TVP23A: variants seen among roughly 807,000 people sequenced by gnomAD.
The protein encoded by TVP23A is trans-golgi network vesicle protein 23 homolog A, also known as Golgi apparatus membrane protein TVP23 homolog A.
In TVP23A, 21 loss-of-function variants were observed where a neutral mutation model predicts 31.7. The observed-to-expected ratio is 0.66, with a 90% CI of 0.47 to 0.95. TVP23A has a LOEUF of 0.95. Among genes scored for constraint, TVP23A ranks in the 40% least tolerant of loss-of-function variants. TVP23A has a pLI of 0.00. For missense variants in TVP23A, 279 were observed against 255.6 expected, an observed-to-expected ratio of 1.09 and a Z score of -0.62; for synonymous variants, 104 against 96.0, an observed-to-expected ratio of 1.08 and a Z score of -0.49.
chr16:10,814,554 C>A (rs2034350303), intron 2 of TVP23A, among the ~76,000 whole-genome samples: 1 of 152,122 alleles, frequency 6.6e-6, no homozygotes, highest in Non-Finnish European at 1.5e-5. Context: ...CTGCCAGTGC[C>A]TTGGTCTGAT....
At position 10,774,106 on chromosome 16, in the gene TVP23A, ACCAGGAGTCTTCCG is replaced by A; in HGVS notation, c.243_256del (p.Arg83ProfsTer9). ...TATCTGGTTCCACCATCGAAGGCCC[ACCAGGAGTCTTCCG>A]GTTACATTCTGAGAACAATAGACAA... On this transcript the variant is annotated frameshift_variant, in exon 4 of 8. Transcript: ENST00000299866. LOFTEE classifies it high-confidence loss of function. 6.2e-7 allele frequency: 1 copy of A among 1,610,948 alleles called. No individual in the cohort carries two copies. Among genetic ancestry groups the A allele is most frequent in the Non-Finnish European group, 8.5e-7 (1 of 1,178,652 alleles).
At chr16:10,782,244 G>T (rs1347962998) in intron 2 of TVP23A, among the ~76,000 whole-genome samples, 1 of 151,960 alleles carries the variant, frequency 6.6e-6, no homozygotes, top group Non-Finnish European at 1.5e-5. Context: ...TGCAACCTTG[G>T]CATTATCAGT....
intron 2 of TVP23A, among the ~76,000 whole-genome samples, chr16:10,780,990 T>G (rs1261415807): frequency 6.6e-6 from 1 of 152,072 alleles, no homozygotes; most frequent in Non-Finnish European, 1.5e-5. Context: ...AGGTGCTATT[T>G]CCACACAGTA....
downstream of TVP23A, chr16:10,758,036 G>C (rs201743675): frequency 6.2e-7 from 1 of 1,610,830 alleles, no homozygotes; most frequent in Non-Finnish European, 8.5e-7. Flanking sequence ...AGGTGAGCGA[G>C]CTGCCAGCTG....
intron 2 of TVP23A, among the ~76,000 whole-genome samples, chr16:10,791,943 A>ACAAC (rs2142991564): frequency 6.6e-6 from 1 of 152,320 alleles, no homozygotes; most frequent in South Asian, 2.1e-4. Context: ...GTAAGAAGCA[A>ACAAC]ACAACATGGC....
Position 10,768,037 on chromosome 16 carries a change from G to A in TVP23A, c.*1065C>T, listed in dbSNP as rs1330094011. The A allele has an allele frequency of 5.0e-6, 8 of 1,613,522 alleles. No homozygotes were observed. Among genetic ancestry groups the A allele is most frequent in the Non-Finnish European group, 6.8e-6 (8 of 1,179,566 alleles). ...CCTACAGAAGTATAATTCAGAGTAAGTATTTCCATGAGTACTAAATGCAGA... is the reference window on the plus strand; with the variant it reads ...CCTACAGAAGTATAATTCAGAGTAAATATTTCCATGAGTACTAAATGCAGA... On this transcript the variant is annotated 3_prime_UTR_variant, in exon 8 of 8. Coordinates refer to ENST00000299866, the MANE Select transcript of TVP23A (RefSeq NM_001079512.4). This position sits in a 1 kb window ranked among gnomAD's most constrained non-coding sequence, Gnocchi z 4.3.
rs2031032709 is a variant in TVP23A at position 10,767,314 on chromosome 16, G to C, written c.*1788C>G. On this transcript the variant is annotated 3_prime_UTR_variant, in exon 8 of 8. Coordinates refer to ENST00000299866, the MANE Select transcript of TVP23A (RefSeq NM_001079512.4). This position sits in a 1 kb window ranked among gnomAD's most constrained non-coding sequence, Gnocchi z 4.6. ...TCCTAGAGAAACCTGGGTGTGCATA[G>C]GAGGGGACTGGAACAATGGCCACAT... is the stretch of plus-strand genomic sequence containing the variant. 2.5e-6 allele frequency: 1 copy of C among 399,558 alleles called. No individual in the cohort carries two copies. The highest frequency in any genetic ancestry group is 3.6e-5 in the East Asian group (1 of 28,106). The allele number at this position is 399,558 out of a possible 1,614,324, so 24.8% of individuals were successfully genotyped here.
rs138564004 is a variant in TVP23A, at chr16:10,777,738, G to A, written c.90-2642C>T. ...AGAATTAGACAGGATCAAGCCGGGCGTGGTGGCTCACGCCTGTAATCCCAG... is the reference window on the plus strand; with the variant it reads ...AGAATTAGACAGGATCAAGCCGGGCATGGTGGCTCACGCCTGTAATCCCAG... On this transcript the variant is annotated intron_variant, in intron 2 of 7. Coordinates refer to ENST00000299866, the MANE Select transcript of TVP23A (RefSeq NM_001079512.4). The surrounding 1 kb of genome is among the most constrained non-coding windows in gnomAD (Gnocchi z 4.5). 8.5e-4 allele frequency among the ~76,000 whole-genome samples: 130 copies of A among 152,318 alleles called. 2 individuals are homozygous for A. The highest frequency in any genetic ancestry group is 2.2e-3 in the African/African-American group (91 of 41,584).
downstream of TVP23A, chr16:10,766,283 G>C (rs1321107766): frequency 6.6e-6 from 1 of 152,538 alleles, no homozygotes; most frequent in Non-Finnish European, 1.5e-5. This position sits in a 1 kb window ranked among gnomAD's most constrained non-coding sequence, Gnocchi z 4.8. Flanking sequence ...GTGGTGCCTA[G>C]TGAGAGGGAT....
rs1228435952 is a variant in TVP23A at position 10,773,987 on chromosome 16, T to G, written c.324+52A>C. Reference sequence around the variant, plus strand: ...AACTCCAAAGGAACCCACAGAAACTTTCCACACCCATTATCCCCGCTCTGG... The same window carrying G: ...AACTCCAAAGGAACCCACAGAAACTGTCCACACCCATTATCCCCGCTCTGG... On this transcript the variant is annotated intron_variant, in intron 4 of 7. Coordinates refer to ENST00000299866, the MANE Select transcript of TVP23A (RefSeq NM_001079512.4). 1.5e-5 allele frequency: 21 copies of G among 1,445,686 alleles called. No homozygotes were observed. In the South Asian group the frequency reaches 1.6e-4, roughly 11 times the overall value. 89.6% of individuals were successfully genotyped at this position (1,445,686 alleles called of 1,614,324 possible).
At position 10,791,444 on chromosome 16, in the gene TVP23A, C is replaced by T. The variant is rs140348404; in HGVS notation, c.90-16348G>A. Among the ~76,000 whole-genome samples the T allele has an allele frequency of 1.7e-4, 26 of 152,302 alleles. No individual in the cohort carries two copies. In the East Asian group the frequency reaches 5.0e-3, roughly 29 times the overall value. ...ATCAGCCCCCAAATTATTTTCTTTT[C>T]TAACAAAGAGCAGCCTGTAAAATCC... On this transcript the variant is annotated intron_variant, in intron 2 of 7. Transcript: ENST00000299866.
At position 10,813,572 on chromosome 16, in the gene TVP23A, C is replaced by T. The variant is rs540959556; in HGVS notation, c.89+4531G>A. 2.6e-4 allele frequency among the ~76,000 whole-genome samples: 40 copies of T among 152,222 alleles called. 1 individual carries two copies. In the South Asian group the frequency reaches 7.1e-3, roughly 27 times the overall value. ...CAGCATGGACAACATAGCAAGACTC[C>T]GTCTCATAAACAAACAAATAAACAA... is the stretch of plus-strand genomic sequence containing the variant. On this transcript the variant is annotated intron_variant, in intron 2 of 7. Transcript: ENST00000299866.
At chr16:10,788,693 C>A (rs1180740729) in intron 2 of TVP23A, among the ~76,000 whole-genome samples, 2 of 152,094 alleles carry the variant, frequency 1.3e-5, no homozygotes, top group African/African-American at 4.8e-5. Context: ...AGCAGATGTT[C>A]AGGGGTGAAA....
rs893530884 is a variant in TVP23A at position 10,802,278 on chromosome 16, G to A, written c.89+15825C>T. 2.6e-3 allele frequency among the ~76,000 whole-genome samples: 285 copies of A among 108,264 alleles called. 1 individual carries two copies. Among genetic ancestry groups the A allele is most frequent in the Non-Finnish European group, 3.4e-3 (206 of 60,232 alleles). 71.0% of individuals were successfully genotyped at this position (108,264 alleles called of 152,430 possible). ...TGTGTGTGTGTGTGTGTGTGTGTGT[G>A]TGTGTGTATATGTGTGTGTGTGTCA... On this transcript the variant is annotated intron_variant, in intron 2 of 7. Coordinates refer to ENST00000299866, the MANE Select transcript of TVP23A (RefSeq NM_001079512.4).
At chr16:10,816,839 G>A (rs185633625) in intron 2 of TVP23A, among the ~76,000 whole-genome samples, 17 of 151,098 alleles carry the variant, frequency 1.1e-4, no homozygotes, top group Non-Finnish European at 2.1e-4. Flanking sequence ...GAACCTTCAC[G>A]TTGTGCACAT....
downstream of TVP23A, among the ~76,000 whole-genome samples, chr16:10,760,286 C>T (rs890085112): frequency 1.3e-5 from 2 of 152,364 alleles, no homozygotes; most frequent in South Asian, 2.1e-4. Flanking sequence ...CAGCCACAGA[C>T]GGTGCCTAGA....
chr16:10,818,279 C>G lies in TVP23A; in HGVS notation c.10-97G>C. 1 of 1,308,002 alleles carries G rather than the reference C, an allele frequency of 7.6e-7. No homozygotes were observed. The highest frequency in any genetic ancestry group is 1.1e-6 in the Non-Finnish European group (1 of 937,346). The allele number at this position is 1,308,002 out of a possible 1,614,324, so 81.0% of individuals were successfully genotyped here. On this transcript the variant is annotated intron_variant, in intron 1 of 7. Coordinates refer to ENST00000299866, the MANE Select transcript of TVP23A (RefSeq NM_001079512.4). The surrounding 1 kb of genome is among the most constrained non-coding windows in gnomAD (Gnocchi z 4.7). ...CTGGGCTTGGACTCCACTTGCACCC[C>G]ACCGGGTTCCCAAGTGGACCCTCCG...
Position 10,767,110 on chromosome 16 carries a change from CCATGGGCAGTGCAGT to C in TVP23A, c.*1977_*1991del, listed in dbSNP as rs2030996098. ...GGGTTCACCTGAGGCTGGTGACCGG[CCATGGGCAGTGCAGT>C]CACTTGCCTGTTTCGCCAGCAGCTC... On this transcript the variant is annotated 3_prime_UTR_variant, in exon 8 of 8. Transcript: ENST00000299866. The surrounding 1 kb of genome is among the most constrained non-coding windows in gnomAD (Gnocchi z 4.6). 2.5e-6 allele frequency: 1 copy of C among 398,850 alleles called. No individual in the cohort carries two copies. Among genetic ancestry groups the C allele is most frequent in the African/African-American group, 2.1e-5 (1 of 48,630 alleles). 24.7% of individuals were successfully genotyped at this position (398,850 alleles called of 1,614,324 possible).
At chr16:10,806,144 A>T (rs2033932670) in intron 2 of TVP23A, among the ~76,000 whole-genome samples, 1 of 152,138 alleles carries the variant, frequency 6.6e-6, no homozygotes, top group African/African-American at 2.4e-5. Context: ...GGAGTTTGAG[A>T]CCAGCCTGGC....
Sources: allele counts gnomAD v4.1 joint callset (sites outside exome capture counted in the v4.1 genomes callset), GRCh38; gene constraint gnomAD v4.1.1; non-coding constraint Gnocchi (gnomAD v3.1); transcripts MANE v1.5; gene names NCBI Gene and HGNC (gene_info 2026-07-23, HGNC 2026-07-21).